KHDRBS2: variants seen among roughly 807,000 people sequenced by gnomAD.
The protein encoded by KHDRBS2 is KH RNA binding domain containing, signal transduction associated 2.
In KHDRBS2, 26 loss-of-function variants were observed where a neutral mutation model predicts 44.3. The ratio of observed to expected loss-of-function variants is 0.59; its 90% confidence interval spans 0.43 to 0.81. The LOEUF (loss-of-function observed/expected upper bound fraction) is 0.81. Among genes scored for constraint, KHDRBS2 ranks in the 40% least tolerant of loss-of-function variants. The probability of loss-of-function intolerance (pLI) is 0.00; values close to 1 mark genes in which losing one functional copy is unlikely to be tolerated. For missense variants in KHDRBS2, 476 were observed against 433.1 expected, an observed-to-expected ratio of 1.10 and a Z score of -0.88; for synonymous variants, 194 against 151.1, an observed-to-expected ratio of 1.28 and a Z score of -2.08.
downstream of KHDRBS2, among the ~76,000 whole-genome samples, chr6:61,677,513 G>A (rs1357761653): frequency 6.6e-6 from 1 of 151,892 alleles, no homozygotes; most frequent in Non-Finnish European, 1.5e-5. Flanking sequence ...TTTTAGAAAA[G>A]CTGTCTCAGG....
chr6:62,227,895 C>G (rs778400675), intron 1 of KHDRBS2, among the ~76,000 whole-genome samples: 14 of 152,052 alleles, frequency 9.2e-5, no homozygotes, highest in Non-Finnish European at 1.9e-4. Context: ...GGTGGACAAG[C>G]TTTTGATGTG....
intron 7 of KHDRBS2, among the ~76,000 whole-genome samples, chr6:61,723,617 T>A (rs1192889956): frequency 6.6e-6 from 1 of 150,666 alleles, no homozygotes; most frequent in Admixed American, 6.6e-5. Flanking sequence ...AATAGCCAGT[T>A]TAGAGAGGAA....
In KHDRBS2 at chr6:62,240,176, C is replaced by A. The variant is rs369158760; in HGVS notation, c.91+45682G>T. Among the ~76,000 whole-genome samples, 6 of 152,008 alleles carry A rather than the reference C, an allele frequency of 3.9e-5. No homozygotes were observed. In the South Asian group the frequency reaches 6.2e-4, roughly 16 times the overall value. On this transcript the variant is annotated intron_variant, in intron 1 of 8. Transcript: ENST00000281156. ...GATACATTATATTTTGGGTTATAATCCAATATTGGTTTATTTATCTATTTA... is the reference window on the plus strand; with the variant it reads ...GATACATTATATTTTGGGTTATAATACAATATTGGTTTATTTATCTATTTA...
chr6:61,808,588 C>A (rs56976476), intron 6 of KHDRBS2, among the ~76,000 whole-genome samples: 1,726 of 152,128 alleles, frequency 0.011, 32 homozygotes, highest in African/African-American at 0.04. Context: ...CTGCCAGAGT[C>A]ATATCTTTGG....
At chr6:61,774,552 T>C (rs1326214129) in intron 6 of KHDRBS2, among the ~76,000 whole-genome samples, 1 of 152,040 alleles carries the variant, frequency 6.6e-6, no homozygotes, top group Non-Finnish European at 1.5e-5. Context: ...TACAATTGCT[T>C]CAAAGAGAAT....
At chr6:61,970,357 A>T (rs982117949) in intron 4 of KHDRBS2, among the ~76,000 whole-genome samples, 13 of 152,168 alleles carry the variant, frequency 8.5e-5, no homozygotes, top group South Asian at 2.1e-4. Flanking sequence ...TAAAAAAAAA[A>T]TCCCATCATT....
chr6:62,043,865 T>C (rs1415706858), intron 3 of KHDRBS2, among the ~76,000 whole-genome samples: 1 of 152,198 alleles, frequency 6.6e-6, no homozygotes, highest in South Asian at 2.1e-4. Context: ...TATTATTAGA[T>C]CCACAAAAAC....
chr6:62,106,778 C>T (rs1803468558), intron 2 of KHDRBS2, among the ~76,000 whole-genome samples: 1 of 152,180 alleles, frequency 6.6e-6, no homozygotes, highest in Non-Finnish European at 1.5e-5. Context: ...GGATGCAAGG[C>T]TGGTTCAGTA....
At chr6:61,601,344 C>T in the KHDRBS2 span, among the ~76,000 whole-genome samples, 2 of 152,064 alleles carry the variant, frequency 1.3e-5, no homozygotes, top group Non-Finnish European at 2.9e-5. Context: ...CTCCATTCCT[C>T]CTTCTTCTCC....
At chr6:62,143,694 A>ATTT (rs11408572) in intron 2 of KHDRBS2, among the ~76,000 whole-genome samples, 1 of 151,344 alleles carries the variant, frequency 6.6e-6, no homozygotes, top group African/African-American at 2.4e-5. Context: ...TCAGATTATT[A>ATTT]TTTTTTTTCT....
chr6:62,101,598 G>C (rs1027357715), intron 2 of KHDRBS2, among the ~76,000 whole-genome samples: 1 of 152,192 alleles, frequency 6.6e-6, no homozygotes, highest in Non-Finnish European at 1.5e-5. Context: ...TTCTGGATAT[G>C]TACTCTAGGT....
At chr6:61,604,808 G>A in the KHDRBS2 span, among the ~76,000 whole-genome samples, 1 of 152,140 alleles carries the variant, frequency 6.6e-6, no homozygotes, top group Non-Finnish European at 1.5e-5. Flanking sequence ...TGGATGTGTA[G>A]AGGCCTATCC....
chr6:61,596,474 T>C, the KHDRBS2 span, among the ~76,000 whole-genome samples: 4 of 152,158 alleles, frequency 2.6e-5, no homozygotes, highest in African/African-American at 4.8e-5. Flanking sequence ...TGTAGTCCTA[T>C]AGCTACTCAG....
the KHDRBS2 span, among the ~76,000 whole-genome samples, chr6:61,551,553 G>T: frequency 6.6e-6 from 1 of 151,990 alleles, no homozygotes; most frequent in South Asian, 2.1e-4. Flanking sequence ...TGGTATAAGG[G>T]TGGGGTCCAG....
the KHDRBS2 span, among the ~76,000 whole-genome samples, chr6:61,656,613 G>A: frequency 0.025 from 3,731 of 152,018 alleles, 71 homozygotes; most frequent in Middle Eastern, 0.082. Flanking sequence ...AAAAAGTCCA[G>A]ATTTGTAACA....
At position 61,749,162 on chromosome 6, in the gene KHDRBS2, G is replaced by A. The variant is rs374756330; in HGVS notation, c.811-16398C>T. On this transcript the variant is annotated intron_variant, in intron 6 of 8. Transcript: ENST00000281156. ...CGAGTAGCTGGGACTACAGGCGCCC[G>A]CCACCATGCCCGGCTAATTTTTTTG... Among the ~76,000 whole-genome samples the A allele has an allele frequency of 1.7e-4, 26 of 151,638 alleles. No individual in the cohort carries two copies. The East Asian group carries it at 3.7e-3, about 22-fold the overall frequency.
intron 7 of KHDRBS2, among the ~76,000 whole-genome samples, chr6:61,721,517 A>G (rs1417910481): frequency 1.5e-4 from 22 of 142,302 alleles, no homozygotes; most frequent in African/African-American, 5.6e-4. Context: ...TTGGATTCCT[A>G]GGTATTTTAT....
the KHDRBS2 span, among the ~76,000 whole-genome samples, chr6:61,637,479 T>C: frequency 2.0e-5 from 3 of 152,178 alleles, no homozygotes; most frequent in Non-Finnish European, 4.4e-5. Flanking sequence ...TTGTGAATTA[T>C]GCCACAATAA....
At chr6:61,731,903 C>A (rs531622780) in intron 7 of KHDRBS2, among the ~76,000 whole-genome samples, 1 of 151,968 alleles carries the variant, frequency 6.6e-6, no homozygotes, top group Non-Finnish European at 1.5e-5. Context: ...TATATTGTTT[C>A]TTCTTACAAG....
Sources: gnomAD v4.1 joint callset for allele counts (sites outside exome capture counted in the v4.1 genomes callset) on GRCh38, gnomAD v4.1.1 for gene constraint, MANE v1.5 for transcripts, NCBI Gene and HGNC (gene_info 2026-07-23, HGNC 2026-07-21) for gene names.